The following EHBP1 variants were observed in gnomAD, a reference collection of about 807,000 sequenced individuals.
EHBP1 encodes EH domain binding protein 1.
Under a neutral mutation model 144.0 loss-of-function variants are expected in EHBP1, and 55 were observed. That is an observed-to-expected ratio of 0.38 (90% CI 0.31 to 0.48). The LOEUF (loss-of-function observed/expected upper bound fraction) is 0.48, where lower values mean the gene tolerates loss of function less well. Ranked by LOEUF, EHBP1 falls within the 20% of genes least tolerant of loss-of-function variation. The pLI is 0.98. For synonymous variants in EHBP1, 469 were observed against 472.7 expected, an observed-to-expected ratio of 0.99 and a Z score of 0.10; for missense variants, 1,200 against 1,364.2, an observed-to-expected ratio of 0.88 and a Z score of 1.90.
At chr2:62,926,035 G>T (rs1334110844) in intron 10 of EHBP1, among the ~76,000 whole-genome samples, 2 of 152,084 alleles carry the variant, frequency 1.3e-5, no homozygotes, top group African/African-American at 4.8e-5. Context: ...AAACAGCATG[G>T]TACTAGCATA....
intron 5 of EHBP1, among the ~76,000 whole-genome samples, chr2:62,801,575 C>G (rs1282731426): frequency 6.6e-6 from 1 of 152,182 alleles, no homozygotes. Context: ...TATTGATACT[C>G]TTCATGAGAG....
At chr2:62,792,083 T>C (rs1326732777) in intron 5 of EHBP1, among the ~76,000 whole-genome samples, 2 of 152,054 alleles carry the variant, frequency 1.3e-5, no homozygotes, top group African/African-American at 4.8e-5. Context: ...TATATATAGG[T>C]TAAACTTGGA....
chr2:62,773,060 CAA>C (rs1469762360), intron 5 of EHBP1, among the ~76,000 whole-genome samples: 2 of 152,090 alleles, frequency 1.3e-5, no homozygotes, highest in African/African-American at 4.8e-5. Context: ...TACATTAACT[CAA>C]GAGAATACAC....
At chr2:63,034,944 TCTGATGGA>T (rs1378181103) in intron 19 of EHBP1, among the ~76,000 whole-genome samples, 3 of 152,066 alleles carry the variant, frequency 2.0e-5, no homozygotes, top group Non-Finnish European at 4.4e-5. Flanking sequence ...CCTTTAAAAG[TCTGATGGA>T]CAAATTGGAT....
chr2:63,003,614 A>G (rs1186199111), intron 19 of EHBP1, among the ~76,000 whole-genome samples: 2 of 152,086 alleles, frequency 1.3e-5, no homozygotes, highest in Non-Finnish European at 2.9e-5. Context: ...CTCCATTAAT[A>G]TGTAATCAGG....
At position 63,045,057 on chromosome 2, in the gene EHBP1, C is replaced by T. The variant is rs776142537; in HGVS notation, c.3278-9C>T. ...TGCCGGTGGGTAACTAGCCTCCCGT[C>T]TTCTGCAGACTGGCAGAAGACCGAG... On this transcript the variant is annotated splice_polypyrimidine_tract_variant and intron_variant, in intron 21 of 22. Transcript: ENST00000431489. This position sits in a 1 kb window ranked among gnomAD's most constrained non-coding sequence, Gnocchi z 5.7. 76 of 1,545,004 alleles carry T rather than the reference C, an allele frequency of 4.9e-5. No homozygotes were observed. Among genetic ancestry groups the T allele is most frequent in the Non-Finnish European group, 4.4e-6 (5 of 1,140,934 alleles).
At chr2:62,867,879 T>G (rs887963913) in intron 9 of EHBP1, among the ~76,000 whole-genome samples, 1 of 152,118 alleles carries the variant, frequency 6.6e-6, no homozygotes, top group African/African-American at 2.4e-5. Context: ...TGGAATTAGA[T>G]TCATACATAT....
At chr2:62,768,548 C>T (rs2041377496) in intron 4 of EHBP1, among the ~76,000 whole-genome samples, 1 of 152,032 alleles carries the variant, frequency 6.6e-6, no homozygotes, top group African/African-American at 2.4e-5. Flanking sequence ...CAAAAAAAGC[C>T]CAGGACCAGA....
At chr2:62,722,741 A>G (rs2151942671) in intron 2 of EHBP1, among the ~76,000 whole-genome samples, 1 of 152,086 alleles carries the variant, frequency 6.6e-6, no homozygotes, top group Admixed American at 6.5e-5. Flanking sequence ...GTGTTCCTCA[A>G]TTTGTGTTTG....
intron 15 of EHBP1, among the ~76,000 whole-genome samples, chr2:62,986,325 T>C (rs1033550014): frequency 6.6e-6 from 1 of 152,188 alleles, no homozygotes. Flanking sequence ...GCTTAAATAA[T>C]GAAGCCATGT....
intron 2 of EHBP1, among the ~76,000 whole-genome samples, chr2:62,719,132 A>AT (rs1430283985): frequency 2.0e-5 from 3 of 151,710 alleles, no homozygotes; most frequent in Non-Finnish European, 4.4e-5. Flanking sequence ...CGCCCGGCTA[A>AT]TTTTTTGTAT....
intron 19 of EHBP1, among the ~76,000 whole-genome samples, chr2:63,026,295 TG>T (rs1444791062): frequency 2.2e-3 from 4 of 1,786 alleles, no homozygotes; most frequent in Non-Finnish European, 5.4e-3. Context: ...CTCTCTACCT[TG>T]TGTGTGTGTG....
chr2:62,990,401 A>G (rs2059367885), intron 15 of EHBP1, among the ~76,000 whole-genome samples: 1 of 152,160 alleles, frequency 6.6e-6, no homozygotes, highest in African/African-American at 2.4e-5. Flanking sequence ...AGCTTGTTTT[A>G]TTATGTATAA....
chr2:63,035,261 T>C (rs1209798381), intron 19 of EHBP1, among the ~76,000 whole-genome samples: 1 of 152,084 alleles, frequency 6.6e-6, no homozygotes, highest in Non-Finnish European at 1.5e-5. Flanking sequence ...AAGGATTTGG[T>C]GATACAGAAT....
chr2:62,827,190 A>T (rs1000839480), intron 6 of EHBP1, among the ~76,000 whole-genome samples: 10 of 152,370 alleles, frequency 6.6e-5, no homozygotes, highest in African/African-American at 2.2e-4. Flanking sequence ...ACACTCATCT[A>T]CATGGCAACA....
intron 19 of EHBP1, among the ~76,000 whole-genome samples, chr2:63,013,240 T>A (rs2060342909): frequency 6.6e-6 from 1 of 152,212 alleles, no homozygotes; most frequent in Admixed American, 6.5e-5. Context: ...TAATGTTATA[T>A]TCTGAAATGA....
At chr2:62,716,650 A>G (rs758490986) in intron 2 of EHBP1, among the ~76,000 whole-genome samples, 3 of 152,234 alleles carry the variant, frequency 2.0e-5, no homozygotes, top group Admixed American at 6.5e-5. Context: ...TGTATTGTCA[A>G]TAAATTTCAT....
At chr2:62,683,410 C>G (rs549939738) in intron 1 of EHBP1, among the ~76,000 whole-genome samples, 1 of 151,942 alleles carries the variant, frequency 6.6e-6, no homozygotes, top group Non-Finnish European at 1.5e-5. Context: ...CTGTAATCCC[C>G]GCACTTTGGG....
rs1395804531 is a variant in EHBP1, at chr2:63,012,908, T to G, written c.3103+16142T>G. Among the ~76,000 whole-genome samples, 4 of 152,154 alleles carry G rather than the reference T, an allele frequency of 2.6e-5. No individual in the cohort carries two copies. The East Asian group carries it at 7.7e-4, about 29-fold the overall frequency. On this transcript the variant is annotated intron_variant, in intron 19 of 22. Transcript: ENST00000431489. Reference sequence around the variant, plus strand: ...TTTCACTGCAACTTGGAAACATTCATGTTGAATAGTAGCATTAATGTAGCC... The same window carrying G: ...TTTCACTGCAACTTGGAAACATTCAGGTTGAATAGTAGCATTAATGTAGCC...
Sources: gnomAD v4.1 joint callset for allele counts (sites outside exome capture counted in the v4.1 genomes callset) on GRCh38, gnomAD v4.1.1 for gene constraint, Gnocchi (gnomAD v3.1) non-coding constraint, MANE v1.5 for transcripts, NCBI Gene and HGNC (gene_info 2026-07-23, HGNC 2026-07-21) for gene names.